Variants in PLA2G4A observed in about 807,000 individuals in gnomAD.
The protein encoded by PLA2G4A is cytosolic phospholipase A2.
In PLA2G4A, 40 loss-of-function variants were observed where a neutral mutation model predicts 81.9. The observed-to-expected ratio is 0.49, with a 90% confidence interval of 0.38 to 0.64. PLA2G4A has a LOEUF of 0.64. PLA2G4A is among the 30% of genes least tolerant of loss of function. PLA2G4A has a pLI of 0.00. For missense variants in PLA2G4A, 715 were observed against 905.1 expected (o/e 0.79, Z 2.69); for synonymous variants, 302 against 296.9 (o/e 1.02, Z -0.18).
chr1:186,850,235 T>C (rs980269694), intron 1 of PLA2G4A, among the ~76,000 whole-genome samples: 2 of 152,124 alleles, frequency 1.3e-5, no homozygotes, highest in African/African-American at 4.8e-5. Context: ...TATTTATGTA[T>C]TGTATTGTGA....
intron 7 of PLA2G4A, among the ~76,000 whole-genome samples, chr1:186,926,890 A>G (rs1655568972): frequency 6.6e-6 from 1 of 152,174 alleles, no homozygotes; most frequent in Non-Finnish European, 1.5e-5. Flanking sequence ...GGGTGCTGCC[A>G]TTCTGTGGCA....
At chr1:186,873,162 A>G (rs553878036) in intron 3 of PLA2G4A, among the ~76,000 whole-genome samples, 187 of 152,198 alleles carry the variant, frequency 1.2e-3, no homozygotes, top group African/African-American at 4.3e-3. Flanking sequence ...TGAATAGATG[A>G]TATATAGTGC....
chr1:186,960,091 CA>C (rs1656893989), intron 14 of PLA2G4A, among the ~76,000 whole-genome samples: 1 of 152,044 alleles, frequency 6.6e-6, no homozygotes, highest in African/African-American at 2.4e-5. Flanking sequence ...ATTTTGTAAA[CA>C]GAAGAAATTA....
intron 14 of PLA2G4A, among the ~76,000 whole-genome samples, chr1:186,960,459 G>A (rs187199733): frequency 1.3e-5 from 2 of 152,158 alleles, no homozygotes; most frequent in African/African-American, 2.4e-5. Context: ...AACCTTGTAC[G>A]TTTTAAATTG....
intron 7 of PLA2G4A, among the ~76,000 whole-genome samples, chr1:186,919,876 G>A (rs934299404): frequency 1.3e-5 from 2 of 152,176 alleles, no homozygotes; most frequent in Non-Finnish European, 2.9e-5. Flanking sequence ...CCTGGCTTAG[G>A]GACAGGCAGG....
chr1:186,926,844 G>A (rs1293354623), intron 7 of PLA2G4A, among the ~76,000 whole-genome samples: 1 of 152,120 alleles, frequency 6.6e-6, no homozygotes, highest in Non-Finnish European at 1.5e-5. Context: ...GGCACTTAAT[G>A]TTACTCAGTA....
intron 3 of PLA2G4A, among the ~76,000 whole-genome samples, chr1:186,892,541 T>C (rs1016224450): frequency 3.9e-5 from 6 of 152,260 alleles, no homozygotes; most frequent in African/African-American, 1.4e-4. Context: ...GCACCATTTA[T>C]TGAAGAGACT....
intron 15 of PLA2G4A, among the ~76,000 whole-genome samples, chr1:186,970,692 A>C (rs2102284691): frequency 6.6e-6 from 1 of 152,032 alleles, no homozygotes; most frequent in South Asian, 2.1e-4. Context: ...ATTCTGGGCA[A>C]CTTTGTTGCA....
chr1:186,977,058 C>T (rs1657560040), intron 15 of PLA2G4A, among the ~76,000 whole-genome samples: 1 of 152,194 alleles, frequency 6.6e-6, no homozygotes, highest in Non-Finnish European at 1.5e-5. Flanking sequence ...TAGCAATGCT[C>T]TGAGGCCAAA....
chr1:186,887,282 C>A (rs1445001999), intron 3 of PLA2G4A, among the ~76,000 whole-genome samples: 2 of 151,986 alleles, frequency 1.3e-5, no homozygotes, highest in South Asian at 2.1e-4. Flanking sequence ...GGGAAATAGG[C>A]AAATAGAGAA....
intron 7 of PLA2G4A, among the ~76,000 whole-genome samples, chr1:186,928,679 T>A (rs926126777): frequency 2.4e-4 from 36 of 152,358 alleles, no homozygotes; most frequent in Non-Finnish European, 3.5e-4. Flanking sequence ...GAGAGAAATG[T>A]TTTTATGTAA....
chr1:186,923,596 A>G (rs1655440522), intron 7 of PLA2G4A, among the ~76,000 whole-genome samples: 1 of 152,246 alleles, frequency 6.6e-6, no homozygotes, highest in Non-Finnish European at 1.5e-5. Context: ...TTAAGTTCTT[A>G]ATAAAGAGGT....
chr1:186,868,744 T>C (rs1653127778), intron 2 of PLA2G4A, among the ~76,000 whole-genome samples: 1 of 152,200 alleles, frequency 6.6e-6, no homozygotes, highest in South Asian at 2.1e-4. Context: ...TTTCTTCTTA[T>C]GTAAATTTTG....
chr1:186,893,961 A>T, intron 4 of PLA2G4A, 137 bp from the exon 5 acceptor site: 1 of 643,936 alleles, frequency 1.6e-6, no homozygotes, highest in South Asian at 1.8e-5. Flanking sequence ...ATTGTTACTA[A>T]TTAAATATTG....
intron 6 of PLA2G4A, among the ~76,000 whole-genome samples, chr1:186,910,097 G>A (rs1380252326): frequency 6.6e-6 from 1 of 151,862 alleles, no homozygotes; most frequent in Admixed American, 6.6e-5. Context: ...TATTAATTCT[G>A]CTTTCTCTTT....
chr1:186,931,525 A>G (rs1371750770), intron 7 of PLA2G4A, among the ~76,000 whole-genome samples: 1 of 73,040 alleles, frequency 1.4e-5, no homozygotes, highest in Non-Finnish European at 4.1e-5. Flanking sequence ...TGCTATTATT[A>G]TTATTATTAT....
intron 5 of PLA2G4A, among the ~76,000 whole-genome samples, chr1:186,903,117 CTTTA>C (rs1429515181): frequency 6.6e-6 from 1 of 151,962 alleles, no homozygotes; most frequent in Non-Finnish European, 1.5e-5. Context: ...TTAAAAATGA[CTTTA>C]TTTATTATCC....
chr1:186,879,840 T>A (rs952978623), intron 3 of PLA2G4A, among the ~76,000 whole-genome samples: 3 of 107,908 alleles, frequency 2.8e-5, no homozygotes, highest in Non-Finnish European at 7.5e-5. Flanking sequence ...TTTATTTATA[T>A]ATATATTTTT....
intron 15 of PLA2G4A, among the ~76,000 whole-genome samples, chr1:186,972,451 A>C (rs1657388142): frequency 6.6e-6 from 1 of 152,156 alleles, no homozygotes; most frequent in African/African-American, 2.4e-5. Context: ...GGGGAAAATG[A>C]AGGGACTTTG....
Sources: allele counts gnomAD v4.1 joint callset (sites outside exome capture counted in the v4.1 genomes callset), GRCh38; gene constraint gnomAD v4.1.1; transcripts MANE v1.5; gene names NCBI Gene and HGNC (gene_info 2026-07-23, HGNC 2026-07-21).